STK39: variants seen among roughly 807,000 people sequenced by gnomAD.
STK39 encodes serine/threonine kinase 39.
In STK39, 20 loss-of-function variants were observed where a neutral mutation model predicts 77.8. That is an observed-to-expected ratio of 0.26 (90% CI 0.18 to 0.37). The LOEUF (loss-of-function observed/expected upper bound fraction) is 0.37. Ranked by LOEUF, STK39 falls within the 10% of genes least tolerant of loss-of-function variation. The pLI, the probability that STK39 is intolerant of heterozygous loss-of-function variation, is 1.00. For missense variants in STK39, 479 were observed against 656.5 expected (o/e 0.73, Z 2.95); for synonymous variants, 246 against 234.1 (o/e 1.05, Z -0.47).
chr2:168,122,598 C>A lies in STK39; in HGVS notation c.1089+6943G>T, dbSNP rs187907178. On this transcript the variant is annotated intron_variant, in intron 10 of 17. Transcript: ENST00000355999. ...GGAAGCACAGGCACACACCACCATG[C>A]CCAGCTAAATTTTTTTTTTGTAGAG... is the stretch of plus-strand genomic sequence containing the variant. Among the ~76,000 whole-genome samples, 173 of 152,144 alleles carry A rather than the reference C, an allele frequency of 1.1e-3. 1 individual carries two copies. Among genetic ancestry groups the A allele is most frequent in the African/African-American group, 3.8e-3 (158 of 41,484 alleles).
intron 14 of STK39, among the ~76,000 whole-genome samples, chr2:168,056,034 A>G (rs534238112): frequency 1.3e-5 from 2 of 152,330 alleles, no homozygotes; most frequent in African/African-American, 4.8e-5. Flanking sequence ...TGCAAAAAAC[A>G]TAAAAGAAAA....
intron 1 of STK39, among the ~76,000 whole-genome samples, chr2:168,233,568 G>C (rs1248382504): frequency 6.6e-6 from 1 of 152,160 alleles, no homozygotes; most frequent in Non-Finnish European, 1.5e-5. Context: ...TTTGTGATCT[G>C]TAACTTAGGA....
At chr2:168,088,116 C>T (rs1227999412) in intron 10 of STK39, among the ~76,000 whole-genome samples, 2 of 152,144 alleles carry the variant, frequency 1.3e-5, no homozygotes, top group Non-Finnish European at 2.9e-5. Context: ...ATGGAAACTC[C>T]ATTCAGACTC....
At chr2:168,071,375 A>C (rs990317108) in intron 12 of STK39, among the ~76,000 whole-genome samples, 5 of 152,158 alleles carry the variant, frequency 3.3e-5, no homozygotes, top group Non-Finnish European at 7.3e-5. Context: ...ATAAAATACT[A>C]TCTCAATCTT....
At chr2:168,082,394 G>A (rs761396673) in intron 10 of STK39, among the ~76,000 whole-genome samples, 5 of 152,088 alleles carry the variant, frequency 3.3e-5, no homozygotes, top group East Asian at 1.9e-4. Context: ...CTTTAATACC[G>A]TGCAAAAATG....
At chr2:168,007,966 G>T (rs1684173566) in intron 16 of STK39, among the ~76,000 whole-genome samples, 1 of 152,162 alleles carries the variant, frequency 6.6e-6, no homozygotes, top group South Asian at 2.1e-4. Context: ...TCACAAGGTT[G>T]TGCAGCCATT....
intron 14 of STK39, among the ~76,000 whole-genome samples, chr2:168,055,991 A>G (rs1186122301): frequency 1.3e-5 from 2 of 152,210 alleles, no homozygotes; most frequent in African/African-American, 4.8e-5. Flanking sequence ...ATCATAGATG[A>G]CATTATCATA....
At chr2:167,986,415 T>C (rs889019199) in intron 16 of STK39, among the ~76,000 whole-genome samples, 7 of 152,164 alleles carry the variant, frequency 4.6e-5, no homozygotes, top group African/African-American at 1.2e-4. Flanking sequence ...TCTAAACTTG[T>C]AGATTACCAA....
At chr2:168,159,482 C>T (rs1401707984) in intron 5 of STK39, among the ~76,000 whole-genome samples, 1 of 152,132 alleles carries the variant, frequency 6.6e-6, no homozygotes, top group Non-Finnish European at 1.5e-5. Context: ...AGTCAATCTC[C>T]TATAAAATGA....
chr2:168,000,065 C>T (rs1410201139), intron 16 of STK39, among the ~76,000 whole-genome samples: 1 of 152,172 alleles, frequency 6.6e-6, no homozygotes, highest in Non-Finnish European at 1.5e-5. Context: ...CTGGGACATC[C>T]CTTTGGGGAC....
chr2:168,045,973 G>T (rs1685229206), intron 14 of STK39, among the ~76,000 whole-genome samples: 1 of 152,140 alleles, frequency 6.6e-6, no homozygotes, highest in African/African-American at 2.4e-5. Flanking sequence ...AAAGGAGTGG[G>T]CAAGGAGGCA....
intron 12 of STK39, among the ~76,000 whole-genome samples, chr2:168,073,686 T>C (rs1222109753): frequency 6.6e-6 from 1 of 152,124 alleles, no homozygotes; most frequent in East Asian, 1.9e-4. Context: ...TGGAGTGCAG[T>C]GGCACAATCT....
At chr2:168,156,835 C>G (rs189029059) in intron 5 of STK39, among the ~76,000 whole-genome samples, 230 of 152,286 alleles carry the variant, frequency 1.5e-3, no homozygotes, top group African/African-American at 4.7e-3. Flanking sequence ...TGGATGCCTC[C>G]GGGGCTTTCA....
intron 10 of STK39, among the ~76,000 whole-genome samples, chr2:168,089,635 GAC>G (rs1279698421): frequency 6.6e-6 from 1 of 152,186 alleles, no homozygotes; most frequent in Non-Finnish European, 1.5e-5. Context: ...TATTCTTTGA[GAC>G]AGTTTCGCTC....
chr2:168,075,100 G>A lies in STK39; in HGVS notation c.1212+9C>T, dbSNP rs3739115. The A allele has an allele frequency of 0.041, 66,130 of 1,614,100 alleles. 3,654 individuals carry two copies. The highest frequency in any genetic ancestry group is 0.21 in the East Asian group (9,395 of 44,870). ...CACAGATTAGCTCATCGTCAACGATGTCATTTACCTTTTCCTGAGAAAAAG... is the reference window on the plus strand; with the variant it reads ...CACAGATTAGCTCATCGTCAACGATATCATTTACCTTTTCCTGAGAAAAAG... On this transcript the variant is annotated intron_variant, in intron 11 of 17. Coordinates refer to ENST00000355999, the MANE Select transcript of STK39 (RefSeq NM_013233.3).
intron 5 of STK39, among the ~76,000 whole-genome samples, chr2:168,146,832 A>G (rs1688152306): frequency 6.6e-6 from 1 of 152,218 alleles, no homozygotes; most frequent in Non-Finnish European, 1.5e-5. Context: ...GTATATGAAT[A>G]GAGAGGTTGG....
chr2:168,211,776 C>A (rs1432473548), intron 1 of STK39, among the ~76,000 whole-genome samples: 1 of 152,150 alleles, frequency 6.6e-6, no homozygotes, highest in Non-Finnish European at 1.5e-5. Flanking sequence ...TAGCTGTGTG[C>A]AAACACCTCC....
At chr2:168,083,900 C>G (rs1345627246) in intron 10 of STK39, among the ~76,000 whole-genome samples, 1 of 152,070 alleles carries the variant, frequency 6.6e-6, no homozygotes, top group Non-Finnish European at 1.5e-5. Flanking sequence ...CATAAGAAGG[C>G]AACCAGCATT....
At chr2:168,108,173 A>T (rs1280297372) in intron 10 of STK39, among the ~76,000 whole-genome samples, 1 of 152,206 alleles carries the variant, frequency 6.6e-6, no homozygotes, top group Non-Finnish European at 1.5e-5. Flanking sequence ...TCAAGAGCAC[A>T]GTTTGGGAGA....
Sources: allele counts gnomAD v4.1 joint callset (sites outside exome capture counted in the v4.1 genomes callset), GRCh38; gene constraint gnomAD v4.1.1; transcripts MANE v1.5; gene names NCBI Gene and HGNC (gene_info 2026-07-23, HGNC 2026-07-21).